BOP1: variants seen among roughly 807,000 people sequenced by gnomAD.
BOP1 encodes the protein BOP1 ribosomal biogenesis factor, also known as ribosome biogenesis protein BOP1.
Under a neutral mutation model 82.9 loss-of-function variants are expected in BOP1, and 54 were observed. The observed-to-expected ratio is 0.65, with a 90% CI of 0.52 to 0.82. The LOEUF is 0.82. Ranked by LOEUF, BOP1 falls within the 40% of genes least tolerant of loss-of-function variation. The pLI, the probability that BOP1 is intolerant of heterozygous loss-of-function variation, is 0.00. For synonymous variants in BOP1, 566 were observed against 451.1 expected (o/e 1.25, Z -3.23); for missense variants, 1,170 against 1,072.0 (o/e 1.09, Z -1.28).
At chr8:144,271,534 A>ACACGGCCTT (rs1390176655) in intron 3 of BOP1, among the ~76,000 whole-genome samples, 4 of 151,888 alleles carry the variant, frequency 2.6e-5, no homozygotes, top group Non-Finnish European at 5.9e-5. Context: ...TCGGAGCGCC[A>ACACGGCCTT]CACGGCCTTC....
Position 144,263,436 on chromosome 8 carries a change from A to G in BOP1, c.1425-35T>C, listed in dbSNP as rs1000043853. On this transcript the variant is annotated intron_variant, in intron 11 of 15. Transcript: ENST00000569669. ...AGGCCCAGACACGGCCCCTAAGCAC[A>G]GTGCCACCCCTGGCTCCCCAGCCCC... 129 of 1,597,732 alleles carry G rather than the reference A, an allele frequency of 8.1e-5. No individual in the cohort carries two copies. In the African/African-American group the frequency reaches 1.6e-3, roughly 20 times the overall value.
intron 2 of BOP1, among the ~76,000 whole-genome samples, chr8:144,279,770 G>C (rs982582526): frequency 6.6e-6 from 1 of 152,214 alleles, no homozygotes; most frequent in Non-Finnish European, 1.5e-5. Flanking sequence ...GGCTGAGGTC[G>C]TGAAGGCCGT....
intron 2 of BOP1, among the ~76,000 whole-genome samples, chr8:144,287,687 C>T (rs1385901552): frequency 1.3e-5 from 2 of 152,064 alleles, no homozygotes; most frequent in Non-Finnish European, 2.9e-5. Context: ...ATTTTAAAAA[C>T]TCAAGAAGGG....
At chr8:144,275,130 C>A (rs1452162700) in intron 3 of BOP1, among the ~76,000 whole-genome samples, 2 of 152,070 alleles carry the variant, frequency 1.3e-5, no homozygotes, top group Non-Finnish European at 2.9e-5. Flanking sequence ...GCGCGTGTCT[C>A]CCCCAGGCCC....
In BOP1 at chr8:144,267,255, C is replaced by G. The variant is rs1381402701; in HGVS notation, c.391-2184G>C. ...GCCCACACCTGCCAGGCAGAGGAGG[C>G]GAGGCCACACGGGCAGGGCTCCCCA... On this transcript the variant is annotated intron_variant, in intron 3 of 15. Transcript: ENST00000569669. 3.5e-6 allele frequency: 5 copies of G among 1,420,396 alleles called. No individual in the cohort carries two copies. In the African/African-American group the frequency reaches 6.1e-5, roughly 17 times the overall value. The allele number at this position is 1,420,396 out of a possible 1,614,324, so 88.0% of individuals were successfully genotyped here.
intron 2 of BOP1, among the ~76,000 whole-genome samples, chr8:144,285,777 G>A (rs1554839393): frequency 6.6e-6 from 1 of 152,248 alleles, no homozygotes; most frequent in East Asian, 1.9e-4. Flanking sequence ...CCAGATGGCT[G>A]TGGCGGGCGA....
Position 144,262,507 on chromosome 8 carries a change from G to T in BOP1, c.1980-4C>A, listed in dbSNP as rs1312421311. 11 of 1,612,926 alleles carry T rather than the reference G, an allele frequency of 6.8e-6. No individual in the cohort carries two copies. The East Asian group carries it at 1.6e-4, about 23-fold the overall frequency. On this transcript the variant is annotated splice_region_variant and splice_polypyrimidine_tract_variant and intron_variant, in intron 14 of 15. Coordinates refer to ENST00000569669, the MANE Select transcript of BOP1 (RefSeq NM_015201.5). ...CCGCAGAGCCTTCTTGTGGTGTCTG[G>T]GGGGAGGGAACCAGGTTGAAGGCAG...
chr8:144,273,013 G>A (rs1169653361), intron 3 of BOP1, among the ~76,000 whole-genome samples: 3 of 152,208 alleles, frequency 2.0e-5, no homozygotes, highest in Non-Finnish European at 1.5e-5. Context: ...GCGGCCGCGG[G>A]GGTGGATGGC....
At chr8:144,271,550 C>T (rs1554837799) in intron 3 of BOP1, among the ~76,000 whole-genome samples, 1 of 152,226 alleles carries the variant, frequency 6.6e-6, no homozygotes, top group South Asian at 2.1e-4. Flanking sequence ...CCTTCCTGTG[C>T]GACGTGAGGC....
intron 2 of BOP1, among the ~76,000 whole-genome samples, chr8:144,277,930 G>A (rs1199574735): frequency 8.2e-6 from 1 of 121,942 alleles, no homozygotes; most frequent in Non-Finnish European, 1.9e-5. Context: ...AAAATTAGAG[G>A]AAAAGGCCAC....
At chr8:144,284,702 G>A (rs1397333861) in intron 2 of BOP1, among the ~76,000 whole-genome samples, 2 of 152,198 alleles carry the variant, frequency 1.3e-5, no homozygotes, top group Non-Finnish European at 2.9e-5. Flanking sequence ...CACCCCTCAG[G>A]AGCACCTGAG....
In BOP1 at chr8:144,265,069, G is replaced by A; in HGVS notation, c.393C>T (p.Asp131=). The A allele has an allele frequency of 6.2e-7, 1 of 1,608,740 alleles. No homozygotes were observed. The change falls in exon 4 of 16, where the codon GAC becomes GAT. Residue 131 remains aspartate (D), a splice_region_variant and synonymous_variant. Coordinates refer to ENST00000569669, the MANE Select transcript of BOP1 (RefSeq NM_015201.5). ...EYAEDSSDEE[D]IRNTVGNVPL... ...GCACGTTGCCCACCGTGTTCCGGAT[G>A]TCCTGCAGCCGGGGGCCACCATGTC... is the stretch of plus-strand genomic sequence containing the variant.
Position 144,262,901 on chromosome 8 carries a change from GCTT to G in BOP1, c.1843_1845del (p.Lys615del). 6.4e-7 allele frequency: 1 copy of G among 1,551,888 alleles called. No homozygotes were observed. The highest frequency in any genetic ancestry group is 1.4e-5 in the African/African-American group (1 of 72,474). On this transcript the variant is annotated inframe_deletion, in exon 13 of 16. Coordinates refer to ENST00000569669, the MANE Select transcript of BOP1 (RefSeq NM_015201.5). ...GACACCCACTTGCAGTTGGGCATCAGCTTCTTGGTGAGCTCCTGGCGCAGCAGG... is the reference window on the plus strand; with the variant it reads ...GACACCCACTTGCAGTTGGGCATCAGCTTGGTGAGCTCCTGGCGCAGCAGG...
chr8:144,264,480 A>T, intron 6 of BOP1, 35 bp downstream of exon 6: 1 of 1,608,236 alleles, frequency 6.2e-7, no homozygotes, highest in Non-Finnish European at 8.5e-7. Context: ...CGGGGCGGTC[A>T]GCCCAGGCCA....
chr8:144,281,975 G>C (rs1388027773), intron 2 of BOP1: 2 of 152,168 alleles, frequency 1.3e-5, no homozygotes, highest in South Asian at 4.1e-4. Flanking sequence ...TAAATGAAAA[G>C]ACAAAACCAA....
chr8:144,274,126 C>T (rs1030321474), intron 3 of BOP1, among the ~76,000 whole-genome samples: 2 of 152,272 alleles, frequency 1.3e-5, no homozygotes, highest in Non-Finnish European at 2.9e-5. Flanking sequence ...GGCCCGAGAC[C>T]TTCTCAGCAT....
intron 3 of BOP1, 29 bp downstream of exon 3, chr8:144,276,195 T>A: frequency 6.2e-7 from 1 of 1,608,970 alleles, no homozygotes; most frequent in Non-Finnish European, 8.5e-7. Flanking sequence ...CGCCCCACCC[T>A]GCCCAGTGGG....
intron 3 of BOP1, among the ~76,000 whole-genome samples, chr8:144,273,094 C>CGCCGGGAAACCTGA (rs1845517265): frequency 6.6e-6 from 1 of 152,134 alleles, no homozygotes; most frequent in South Asian, 2.1e-4. Flanking sequence ...GCCGTTCGCT[C>CGCCGGGAAACCTGA]GCCGGGAAAC....
intron 14 of BOP1, 33 bp from the exon 15 acceptor site, chr8:144,262,536 C>G: frequency 1.9e-6 from 3 of 1,612,866 alleles, no homozygotes; most frequent in Non-Finnish European, 2.5e-6. Context: ...AAGGCAGGCT[C>G]GGGCTGAAGG....
Sources: gnomAD v4.1 joint callset for allele counts (sites outside exome capture counted in the v4.1 genomes callset) on GRCh38, gnomAD v4.1.1 for gene constraint, MANE v1.5 for transcripts, NCBI Gene and HGNC (gene_info 2026-07-23, HGNC 2026-07-21) for gene names.